Variants in PGD observed in about 807,000 individuals in gnomAD.
PGD encodes phosphogluconate dehydrogenase, also known as 6-phosphogluconate dehydrogenase, decarboxylating.
Under a neutral mutation model 60.4 loss-of-function variants are expected in PGD, and 21 were observed. That is an observed-to-expected ratio of 0.35 (90% CI 0.25 to 0.50). The LOEUF (loss-of-function observed/expected upper bound fraction) is 0.50, where lower values mean the gene tolerates loss of function less well. Ranked by LOEUF, PGD falls within the 20% of genes least tolerant of loss-of-function variation. PGD has a pLI of 0.98. For synonymous variants in PGD, 230 were observed against 235.9 expected, an observed-to-expected ratio of 0.97 and a Z score of 0.23; for missense variants, 477 against 613.1, an observed-to-expected ratio of 0.78 and a Z score of 2.34.
At chr1:10,402,325 C>T (rs1322576870) in intron 3 of PGD, among the ~76,000 whole-genome samples, 1 of 151,564 alleles carries the variant, frequency 6.6e-6, no homozygotes, top group African/African-American at 2.4e-5. Flanking sequence ...CTGCCTCAAC[C>T]TCCCAAAGTG....
At chr1:10,403,195 C>T (rs1639343564) in intron 4 of PGD, 59 bp downstream of exon 4, 1 of 1,195,806 alleles carries the variant, frequency 8.4e-7, no homozygotes, top group Middle Eastern at 1.9e-4. Context: ...AAAAAAGTGT[C>T]AGCATCGCAT....
intron 5 of PGD, among the ~76,000 whole-genome samples, chr1:10,406,754 G>A (rs1036345203): frequency 3.3e-5 from 5 of 152,166 alleles, no homozygotes; most frequent in Non-Finnish European, 7.3e-5. Flanking sequence ...ATATATCCGC[G>A]TGCTGAGCTG....
Position 10,413,100 on chromosome 1 carries a change from C to T in PGD, c.693C>T (p.Phe231=). 1 of 1,614,098 alleles carries T rather than the reference C, an allele frequency of 6.2e-7. No individual in the cohort carries two copies. Among genetic ancestry groups the T allele is most frequent in the Non-Finnish European group, 8.5e-7 (1 of 1,179,948 alleles). Residue 231 remains phenylalanine (F), a synonymous_variant, in exon 8 of 13, where the codon TTC becomes TTT. Coordinates refer to ENST00000270776, the MANE Select transcript of PGD (RefSeq NM_002631.4). ...GGAATAAGACAGAGCTAGACTCATT[C>T]CTGATTGAAATCACAGCCAATATTC... is the stretch of plus-strand genomic sequence containing the variant. ...EDWNKTELDS[F]LIEITANILK...
At chr1:10,400,334 C>A in intron 2 of PGD, 59 bp from the exon 3 acceptor site, 3 of 1,309,020 alleles carry the variant, frequency 2.3e-6, no homozygotes, top group Non-Finnish European at 3.2e-6. Context: ...GTTACTTTGG[C>A]CACAGTCTGA....
chr1:10,419,771 C>G lies in PGD; in HGVS notation c.*22C>G. Reference sequence around the variant, plus strand: ...CTGATCATGCTGCTCCTGTCACCCTCCACGATTCCACAGACCAGGACATTC... The same window carrying G: ...CTGATCATGCTGCTCCTGTCACCCTGCACGATTCCACAGACCAGGACATTC... On this transcript the variant is annotated 3_prime_UTR_variant, in exon 13 of 13. Coordinates refer to ENST00000270776, the MANE Select transcript of PGD (RefSeq NM_002631.4). 1 of 1,613,884 alleles carries G rather than the reference C, an allele frequency of 6.2e-7. No individual in the cohort carries two copies. The highest frequency in any genetic ancestry group is 1.1e-5 in the South Asian group (1 of 91,066).
chr1:10,411,372 G>A (rs1639495528), intron 6 of PGD, 46 bp from the exon 7 acceptor site: 5 of 1,609,808 alleles, frequency 3.1e-6, no homozygotes, highest in Admixed American at 1.7e-5. Flanking sequence ...TCTCTGATGT[G>A]TCGCCTGTTT....
In PGD at chr1:10,417,475, G is replaced by C. The variant is rs181999445; in HGVS notation, c.1075G>C (p.Ala359Pro). 2 of 1,613,716 alleles carry C rather than the reference G, an allele frequency of 1.2e-6. No individual in the cohort carries two copies. Among genetic ancestry groups the C allele is most frequent in the South Asian group, 1.1e-5 (1 of 90,988 alleles). Residue 359 changes from alanine (A) to proline (P), a missense_variant, in exon 10 of 13, where the codon GCC (alanine) becomes CCC (proline). Physicochemically the swap from Ala to Pro is conservative, Grantham distance 27 (BLOSUM62 -1). Transcript: ENST00000270776. ...CTGGACTCTCAATTATGGTGGCATCGCCCTGATGTGGAGAGGGGGCTGCAT... is the reference window on the plus strand; with the variant it reads ...CTGGACTCTCAATTATGGTGGCATCCCCCTGATGTGGAGAGGGGGCTGCAT... ...FGWTLNYGGIALMWRGGCIIR... is the reference protein window; with the variant it reads ...FGWTLNYGGIPLMWRGGCIIR...
chr1:10,399,450 G>C, intron 1 of PGD, 179 bp from the exon 2 acceptor site: 1 of 498,304 alleles, frequency 2.0e-6, no homozygotes, highest in Non-Finnish European at 3.3e-6. Flanking sequence ...GGCGGGGCTG[G>C]GGGCCGCCTG....
At chr1:10,415,073 C>T (rs1406264538) in intron 8 of PGD, among the ~76,000 whole-genome samples, 19 of 148,096 alleles carry the variant, frequency 1.3e-4, no homozygotes, top group Non-Finnish European at 1.3e-4. Flanking sequence ...GCTGGGCGAC[C>T]GAGCAAGACT....
rs201142821 is a variant in PGD at position 10,419,792 on chromosome 1, C to T, written c.*43C>T. 6.9e-4 allele frequency: 1,112 copies of T among 1,610,338 alleles called. No homozygotes were observed. Among genetic ancestry groups the T allele is most frequent in the Middle Eastern group, 3.1e-3 (19 of 6,048 alleles). On this transcript the variant is annotated 3_prime_UTR_variant, in exon 13 of 13. Coordinates refer to ENST00000270776, the MANE Select transcript of PGD (RefSeq NM_002631.4). ...CCCTCCACGATTCCACAGACCAGGA[C>T]ATTCCATGTGCCTCATGGCACTGCC... is the stretch of plus-strand genomic sequence containing the variant.
At chr1:10,407,948 CAAAA>C (rs71583867) in intron 5 of PGD, 119 bp from the exon 6 acceptor site, 450 of 580,812 alleles carry the variant, frequency 7.7e-4, no homozygotes, top group South Asian at 1.1e-3. Context: ...GACCCTGTCT[CAAAA>C]AAAAAAAAAA....
chr1:10,410,196 A>T (rs1441507016), intron 6 of PGD, among the ~76,000 whole-genome samples: 1 of 152,070 alleles, frequency 6.6e-6, no homozygotes, highest in Non-Finnish European at 1.5e-5. Context: ...CATGCCTGGA[A>T]TCCCAGCACT....
intron 6 of PGD, 39 bp from the exon 7 acceptor site, chr1:10,411,379 G>C: frequency 1.2e-6 from 2 of 1,610,706 alleles, no homozygotes; most frequent in Non-Finnish European, 1.7e-6. Flanking sequence ...TGTGTCGCCT[G>C]TTTCTCTGAA....
chr1:10,401,774 G>A (rs1439440089), intron 3 of PGD, among the ~76,000 whole-genome samples: 1 of 152,160 alleles, frequency 6.6e-6, no homozygotes, highest in East Asian at 1.9e-4. Context: ...CCAGCACTTT[G>A]GGAGGCAGAG....
chr1:10,399,412 A>G, intron 1 of PGD: 1 of 459,340 alleles, frequency 2.2e-6, no homozygotes, highest in Non-Finnish European at 3.7e-6. Context: ...CACCTGCGGG[A>G]CGCGTGCCAG....
At chr1:10,419,094 C>T (rs529510428) in intron 11 of PGD, among the ~76,000 whole-genome samples, 169 bp downstream of exon 11, 6 of 151,650 alleles carry the variant, frequency 4.0e-5, no homozygotes, top group African/African-American at 1.5e-4. Context: ...CTGCAACCTC[C>T]GCCTCCTGGG....
rs545251517 is a variant in PGD, at chr1:10,399,695, C to G, written c.75C>G (p.His25Gln). 8.1e-6 allele frequency: 13 copies of G among 1,613,998 alleles called. No individual in the cohort carries two copies. In the African/African-American group the frequency reaches 1.5e-4, roughly 18 times the overall value. Reference sequence around the variant, plus strand: ...ACTTAATTCTGAACATGAATGACCACGGCTTTGTGGTAAGCGGCGTGGGCG... The same window carrying G: ...ACTTAATTCTGAACATGAATGACCAGGGCTTTGTGGTAAGCGGCGTGGGCG... ...GQNLILNMND[H>Q]GFVVCAFNRT... Residue 25 changes from histidine to glutamine, a missense_variant, in exon 2 of 13, where the codon CAC becomes CAG. Coordinates refer to ENST00000270776, the MANE Select transcript of PGD (RefSeq NM_002631.4).
chr1:10,412,875 T>C, intron 7 of PGD, 187 bp from the exon 8 acceptor site: 1 of 557,460 alleles, frequency 1.8e-6, no homozygotes, highest in Non-Finnish European at 3.2e-6. Context: ...TATAACCAGG[T>C]TCAGAACAAA....
rs557055228 is a variant in PGD at position 10,416,115 on chromosome 1, A to T, written c.845-872A>T. On this transcript the variant is annotated intron_variant, in intron 8 of 12. Coordinates refer to ENST00000270776, the MANE Select transcript of PGD (RefSeq NM_002631.4). ...TTATTTTATTTTACTGGTTTTAGAG[A>T]CAGGGTCTCACTGTGTTGCCCAGGC... is the stretch of plus-strand genomic sequence containing the variant. Among the ~76,000 whole-genome samples the T allele has an allele frequency of 8.0e-4, 122 of 152,234 alleles. No individual in the cohort carries two copies. The South Asian group carries it at 0.014, about 18-fold the overall frequency.
Sources: allele counts gnomAD v4.1 joint callset (sites outside exome capture counted in the v4.1 genomes callset), GRCh38; gene constraint gnomAD v4.1.1; transcripts MANE v1.5; gene names NCBI Gene and HGNC (gene_info 2026-07-23, HGNC 2026-07-21).